AGMO: variants seen among roughly 807,000 people sequenced by gnomAD.
AGMO encodes the protein glyceryl-ether monooxygenase.
In AGMO, 75 loss-of-function variants were observed where a neutral mutation model predicts 60.2. The ratio of observed to expected loss-of-function variants is 1.25; its 90% CI spans 1.03 to 1.51. The LOEUF is 1.51. Among genes scored for constraint, AGMO ranks in the 40% most tolerant of loss-of-function variants. The pLI, the probability that AGMO is intolerant of heterozygous loss-of-function variation, is 0.00. For missense variants in AGMO, 763 were observed against 525.5 expected, an observed-to-expected ratio of 1.45 and a Z score of -4.42; for synonymous variants, 261 against 177.1, an observed-to-expected ratio of 1.47 and a Z score of -3.76.
chr7:15,497,014 T>C (rs1335336497), intron 3 of AGMO, among the ~76,000 whole-genome samples: 1 of 152,120 alleles, frequency 6.6e-6, no homozygotes, highest in Non-Finnish European at 1.5e-5. Context: ...TTGCTGGCTA[T>C]AAATTTTGAG....
the AGMO span, among the ~76,000 whole-genome samples, chr7:15,184,301 G>GGAAGGAAGGAAA: frequency 1.9e-5 from 1 of 53,642 alleles, no homozygotes; most frequent in African/African-American, 4.6e-5. Flanking sequence ...AAGGGAGGCA[G>GGAAGGAAGGAAA]GCAGGGAGGG....
chr7:15,204,920 T>A (rs1290567892), intron 12 of AGMO, among the ~76,000 whole-genome samples: 2 of 152,174 alleles, frequency 1.3e-5, no homozygotes, highest in East Asian at 3.9e-4. Context: ...CTCGAACTCC[T>A]GGGCTCAAGC....
intron 5 of AGMO, among the ~76,000 whole-genome samples, chr7:15,406,985 T>A (rs1784718080): frequency 6.9e-6 from 1 of 144,430 alleles, no homozygotes; most frequent in Non-Finnish European, 1.5e-5. Context: ...TGTACACATG[T>A]GTGTGTATAT....
At chr7:15,208,750 C>T (rs867261473) in intron 12 of AGMO, among the ~76,000 whole-genome samples, 2 of 152,118 alleles carry the variant, frequency 1.3e-5, no homozygotes, top group Non-Finnish European at 2.9e-5. Flanking sequence ...TAAGTTCTAG[C>T]TACAAGTAGA....
intron 3 of AGMO, among the ~76,000 whole-genome samples, chr7:15,509,521 T>G (rs80017990): frequency 0.19 from 28,342 of 152,068 alleles, 2,867 homozygotes; most frequent in Non-Finnish European, 0.21. Flanking sequence ...ACATTGACCT[T>G]GGAAATTTTT....
At chr7:15,485,972 C>T (rs1206983008) in intron 3 of AGMO, among the ~76,000 whole-genome samples, 1 of 152,096 alleles carries the variant, frequency 6.6e-6, no homozygotes, top group African/African-American at 2.4e-5. Context: ...TTTACCACAT[C>T]TTTACTATTT....
In AGMO at chr7:15,348,692, ACT is replaced by A. The variant is rs1782121316; in HGVS notation, c.1263+16820_1263+16821del. 2.0e-5 allele frequency among the ~76,000 whole-genome samples: 3 copies of A among 151,934 alleles called. 1 individual carries two copies. Among genetic ancestry groups the A allele is most frequent in the African/African-American group, 4.8e-5 (2 of 41,384 alleles). ...TAGAAATAAATATGAGTATAGCATCACTCTGTTTTTCACTTGAAGGTTTTTCT... is the reference window on the plus strand; with the variant it reads ...TAGAAATAAATATGAGTATAGCATCACTGTTTTTCACTTGAAGGTTTTTCT... On this transcript the variant is annotated intron_variant, in intron 12 of 12. Transcript: ENST00000342526.
chr7:15,391,335 G>A (rs1784127979), intron 6 of AGMO, among the ~76,000 whole-genome samples: 1 of 151,780 alleles, frequency 6.6e-6, no homozygotes, highest in Admixed American at 6.6e-5. Flanking sequence ...ATCTGTTTCA[G>A]GAAGGAAATT....
intron 3 of AGMO, among the ~76,000 whole-genome samples, chr7:15,478,736 T>G (rs1782665066): frequency 6.6e-6 from 1 of 152,190 alleles, no homozygotes; most frequent in African/African-American, 2.4e-5. Flanking sequence ...CCAGAGAGTC[T>G]GTTTTTTGTA....
intron 10 of AGMO, among the ~76,000 whole-genome samples, chr7:15,372,601 G>GT (rs1184516610): frequency 2.6e-5 from 4 of 151,870 alleles, no homozygotes; most frequent in Admixed American, 2.0e-4. Context: ...GTATTTGCCC[G>GT]TAAGACCACT....
intron 10 of AGMO, among the ~76,000 whole-genome samples, chr7:15,377,527 T>C (rs1783501933): frequency 6.6e-6 from 1 of 152,084 alleles, no homozygotes; most frequent in Non-Finnish European, 1.5e-5. Context: ...CTATTTCAAA[T>C]TTAACATGGA....
At chr7:15,215,722 G>C (rs1357838016) in intron 12 of AGMO, among the ~76,000 whole-genome samples, 2 of 151,974 alleles carry the variant, frequency 1.3e-5, no homozygotes, top group Non-Finnish European at 2.9e-5. Context: ...AGTGCAGCAG[G>C]AGCTCCAAGA....
At chr7:15,425,902 C>A (rs1583539020) in intron 4 of AGMO, among the ~76,000 whole-genome samples, 1 of 152,150 alleles carries the variant, frequency 6.6e-6, no homozygotes, top group Non-Finnish European at 1.5e-5. Flanking sequence ...CTAAAAAATT[C>A]ACTCACTCTA....
At chr7:15,267,968 T>C (rs1345118821) in intron 12 of AGMO, among the ~76,000 whole-genome samples, 1 of 151,986 alleles carries the variant, frequency 6.6e-6, no homozygotes, top group African/African-American at 2.4e-5. Context: ...TTAAATTTCT[T>C]TGTTATCCAT....
chr7:15,365,603 T>C lies in AGMO; in HGVS notation c.1174A>G (p.Met392Val), dbSNP rs1379781419. The C allele has an allele frequency of 2.5e-6, 4 of 1,612,342 alleles. No individual in the cohort carries two copies. The highest frequency in any genetic ancestry group is 3.4e-6 in the Non-Finnish European group (4 of 1,178,822). Reference sequence around the variant, plus strand: ...AACATCAAGCAACGGAGAGTTTCCATAATAGCTGCCTTGGGTCTGAAATAA... The same window carrying C: ...AACATCAAGCAACGGAGAGTTTCCACAATAGCTGCCTTGGGTCTGAAATAA... Reference protein sequence around the residue: ...LLDQRPKAAIMETLRCLMFLM... With the variant: ...LLDQRPKAAIVETLRCLMFLM... The change falls in exon 12 of 13, where the codon ATG (methionine) becomes GTG (valine). Residue 392 changes from methionine (M) to valine (V), a missense_variant. By Grantham distance (21) the Met-to-Val change is conservative (BLOSUM62 1). Coordinates refer to ENST00000342526, the MANE Select transcript of AGMO (RefSeq NM_001004320.2).
At chr7:15,184,654 AGGGAAGGAAGGAAAAGG>A in the AGMO span, among the ~76,000 whole-genome samples, 5 of 24,532 alleles carry the variant, frequency 2.0e-4, no homozygotes, top group Admixed American at 6.2e-4. Flanking sequence ...GGAGGAAGGG[AGGGAAGGAAGGAAAAGG>A]AGGGAGGGAG....
chr7:15,360,395 A>G (rs1361203064), intron 12 of AGMO, among the ~76,000 whole-genome samples: 1 of 152,226 alleles, frequency 6.6e-6, no homozygotes, highest in Non-Finnish European at 1.5e-5. Context: ...TTAATCACCT[A>G]CTGTTGACCA....
intron 5 of AGMO, among the ~76,000 whole-genome samples, chr7:15,397,186 AAG>A (rs1167787505): frequency 2.0e-5 from 3 of 152,156 alleles, no homozygotes; most frequent in Non-Finnish European, 4.4e-5. Context: ...GGAAGCGAGA[AAG>A]AGACGGAGAC....
chr7:15,548,630 G>C (rs1784857999), intron 2 of AGMO, among the ~76,000 whole-genome samples: 1 of 152,054 alleles, frequency 6.6e-6, no homozygotes, highest in Non-Finnish European at 1.5e-5. Context: ...ATAATAAAAA[G>C]AAATGAGCAA....
Sources: allele counts gnomAD v4.1 joint callset (sites outside exome capture counted in the v4.1 genomes callset), GRCh38; gene constraint gnomAD v4.1.1; transcripts MANE v1.5; gene names NCBI Gene and HGNC (gene_info 2026-07-23, HGNC 2026-07-21).